Variants in BCR observed in about 807,000 individuals in gnomAD.
BCR encodes BCR activator of RhoGEF and GTPase, also known as breakpoint cluster region protein.
BCR carries 58 observed loss-of-function variants against 138.6 expected under a neutral mutation model. That is an observed-to-expected ratio of 0.42 (90% confidence interval 0.34 to 0.52). The LOEUF (loss-of-function observed/expected upper bound fraction) is 0.52. Among genes scored for constraint, BCR ranks in the 20% least tolerant of loss-of-function variants. The pLI, the probability that BCR is intolerant of heterozygous loss-of-function variation, is 0.06. For synonymous variants in BCR, 786 were observed against 730.1 expected, an observed-to-expected ratio of 1.08 and a Z score of -1.23; for missense variants, 1,599 against 1,727.2, an observed-to-expected ratio of 0.93 and a Z score of 1.32.
At chr22:23,262,986 AGCGTAGGG>A (rs2073385331) in intron 4 of BCR, 1 of 888,152 alleles carries the variant, frequency 1.1e-6, no homozygotes, top group Non-Finnish European at 1.5e-6. Context: ...AGATGAGGGG[AGCGTAGGG>A]GCCGGGAAAG....
chr22:23,301,783 A>G (rs1322388705), intron 16 of BCR, among the ~76,000 whole-genome samples: 1 of 152,208 alleles, frequency 6.6e-6, no homozygotes, highest in Non-Finnish European at 1.5e-5. Flanking sequence ...CATGGCACAC[A>G]GGAAGCCTTC....
At chr22:23,279,194 T>C (rs1390758194) in intron 8 of BCR, among the ~76,000 whole-genome samples, 3 of 152,190 alleles carry the variant, frequency 2.0e-5, no homozygotes, top group African/African-American at 4.8e-5. Flanking sequence ...TCAGCCAGCA[T>C]TGTTCTTCCC....
chr22:23,181,370 C>A lies in BCR; in HGVS notation c.410C>A (p.Ala137Asp). 1.3e-6 allele frequency: 2 copies of A among 1,529,174 alleles called. No homozygotes were observed. Among genetic ancestry groups the A allele is most frequent in the Non-Finnish European group, 1.7e-6 (2 of 1,143,922 alleles). 94.7% of individuals were successfully genotyped at this position (1,529,174 alleles called of 1,614,324 possible). The change falls in exon 1 of 23, where the codon GCC (alanine) becomes GAC (aspartate). Residue 137 changes from alanine (A) to aspartate (D), a missense_variant. By Grantham distance (126) the Ala-to-Asp change is moderately radical. This residue lies in a region of BCR where 806 missense variants were observed against 635.0 expected (regional missense o/e 1.27). Coordinates refer to ENST00000305877, the MANE Select transcript of BCR (RefSeq NM_004327.4). ...GGGACCGCCCGCAGGCCCGGGGCAGCCGCGTCGGGGGAACGGGACGACCGG... is the reference window on the plus strand; with the variant it reads ...GGGACCGCCCGCAGGCCCGGGGCAGACGCGTCGGGGGAACGGGACGACCGG... ...RPGTARRPGA[A>D]ASGERDDRGP...
chr22:23,249,163 C>T (rs931262280), intron 1 of BCR, among the ~76,000 whole-genome samples: 1 of 152,052 alleles, frequency 6.6e-6, no homozygotes, highest in East Asian at 1.9e-4. Context: ...GGCACGGTGG[C>T]TCACGCCTGT....
At chr22:23,276,422 AG>A (rs1315190712) in intron 8 of BCR, among the ~76,000 whole-genome samples, 2 of 140,718 alleles carry the variant, frequency 1.4e-5, no homozygotes, top group Non-Finnish European at 3.1e-5. Flanking sequence ...AAAAAAAAAA[AG>A]GGCTGGTTGC....
chr22:23,303,619 T>C (rs529797885), intron 16 of BCR, among the ~76,000 whole-genome samples: 83 of 152,350 alleles, frequency 5.4e-4, no homozygotes, highest in African/African-American at 1.9e-3. Flanking sequence ...AAATGAGTGA[T>C]GTTTGTTTTG....
chr22:23,291,757 A>G (rs5759684), intron 14 of BCR, among the ~76,000 whole-genome samples: 52,794 of 151,952 alleles, frequency 0.35, 10,183 homozygotes, highest in African/African-American at 0.51. Context: ...ATCCACCCGC[A>G]TGGCCAAGCC....
intron 16 of BCR, among the ~76,000 whole-genome samples, chr22:23,297,395 A>G (rs549400889): frequency 4.2e-4 from 64 of 151,806 alleles, no homozygotes; most frequent in Admixed American, 8.5e-4. Flanking sequence ...GTGCTTTCCC[A>G]TTCGGTCCTT....
At chr22:23,299,143 C>A in intron 16 of BCR, among the ~76,000 whole-genome samples, 1 of 102,834 alleles carries the variant, frequency 9.7e-6, no homozygotes, top group Admixed American at 9.3e-5. Flanking sequence ...ACTACAGGCG[C>A]CCGCCACCAC....
chr22:23,259,333 C>T (rs1318575215), intron 2 of BCR, among the ~76,000 whole-genome samples: 6 of 152,170 alleles, frequency 3.9e-5, no homozygotes, highest in East Asian at 1.9e-4. Flanking sequence ...CATAATGTTC[C>T]CTCCATTTGA....
At position 23,250,387 on chromosome 22, in the gene BCR, GT is replaced by G. The variant is rs573450889; in HGVS notation, c.1280-3408del. Among the ~76,000 whole-genome samples the G allele has an allele frequency of 2.3e-3, 347 of 152,302 alleles. 3 individuals carry two copies. Among genetic ancestry groups the G allele is most frequent in the African/African-American group, 8.0e-3 (331 of 41,556 alleles). ...AACCCACCTTATTTTGTTGTTGTTT[GT>G]TTTGTTTTAGACGTTTCGCAGCCTG... is the stretch of plus-strand genomic sequence containing the variant. On this transcript the variant is annotated intron_variant, in intron 1 of 22. Coordinates refer to ENST00000305877, the MANE Select transcript of BCR (RefSeq NM_004327.4).
At position 23,313,033 on chromosome 22, in the gene BCR, A is replaced by G; in HGVS notation, c.3457+12A>G. ...CGCAGAGGGCATCGGTGAGCACTGG[A>G]GGCCTTGGCCTCATGGGAGACGTCT... On this transcript the variant is annotated intron_variant, in intron 20 of 22. Coordinates refer to ENST00000305877, the MANE Select transcript of BCR (RefSeq NM_004327.4). 2 of 1,555,016 alleles carry G rather than the reference A, an allele frequency of 1.3e-6. No homozygotes were observed. Among genetic ancestry groups the G allele is most frequent in the Non-Finnish European group, 1.7e-6 (2 of 1,154,870 alleles).
At chr22:23,223,594 G>C (rs988457288) in intron 1 of BCR, among the ~76,000 whole-genome samples, 1 of 152,152 alleles carries the variant, frequency 6.6e-6, no homozygotes, top group African/African-American at 2.4e-5. Context: ...GCCCTAGGCT[G>C]CCGGTGCAGG....
intron 5 of BCR, among the ~76,000 whole-genome samples, chr22:23,268,942 G>A (rs940274242): frequency 2.0e-5 from 3 of 152,214 alleles, no homozygotes; most frequent in African/African-American, 7.2e-5. Flanking sequence ...GAAGCATTGA[G>A]GGGCTAGCGC....
intron 1 of BCR, among the ~76,000 whole-genome samples, chr22:23,227,846 G>A (rs938719087): frequency 6.6e-5 from 10 of 152,208 alleles, no homozygotes; most frequent in East Asian, 1.9e-4. Flanking sequence ...CTGTTGGGTC[G>A]TGGTTCTGTC....
intron 14 of BCR, chr22:23,290,618 C>G: frequency 1.8e-6 from 1 of 566,140 alleles, no homozygotes; most frequent in Non-Finnish European, 3.2e-6. Flanking sequence ...TCTGCCCTCT[C>G]CCCTAGCCTG....
intron 2 of BCR, chr22:23,254,507 A>C (rs1488036417): frequency 1.9e-6 from 1 of 519,050 alleles, no homozygotes; most frequent in East Asian, 5.4e-5. Context: ...TCTCATGGCT[A>C]GTGAGTAGCG....
chr22:23,211,961 G>T (rs930148316), intron 1 of BCR, among the ~76,000 whole-genome samples: 2 of 151,966 alleles, frequency 1.3e-5, no homozygotes, highest in African/African-American at 4.8e-5. Flanking sequence ...CCCCCTCCCT[G>T]TTCCCACTTC....
At chr22:23,271,408 G>T in intron 5 of BCR, 124 bp from the exon 6 acceptor site, 1 of 968,368 alleles carries the variant, frequency 1.0e-6, no homozygotes, top group African/African-American at 1.6e-5. Flanking sequence ...TTCATTATCA[G>T]CTCAGAATGC....
Sources: allele counts gnomAD v4.1 joint callset (sites outside exome capture counted in the v4.1 genomes callset), GRCh38; gene constraint gnomAD v4.1.1; regional missense constraint gnomAD v4.1.1; transcripts MANE v1.5; gene names NCBI Gene and HGNC (gene_info 2026-07-23, HGNC 2026-07-21).